The following CALCR variants were observed in gnomAD, a reference collection of about 807,000 sequenced individuals.
CALCR encodes calcitonin receptor.
CALCR carries 47 observed loss-of-function variants against 59.5 expected under a neutral mutation model. The observed-to-expected ratio is 0.79, with a 90% CI of 0.63 to 1.01. CALCR has a LOEUF of 1.01. Ranked by LOEUF, CALCR falls within the 50% of genes least tolerant of loss-of-function variation. CALCR has a pLI of 0.00. For synonymous variants in CALCR, 213 were observed against 211.3 expected, an observed-to-expected ratio of 1.01 and a Z score of -0.07; for missense variants, 566 against 597.1, an observed-to-expected ratio of 0.95 and a Z score of 0.54.
At chr7:93,471,991 T>C (rs1800562302) in intron 6 of CALCR, among the ~76,000 whole-genome samples, 1 of 151,802 alleles carries the variant, frequency 6.6e-6, no homozygotes. Flanking sequence ...CATGCTATCT[T>C]GTGACTTGTG....
rs150839710 is a variant in CALCR, at chr7:93,480,003, T to C, written c.52-496A>G. Among the ~76,000 whole-genome samples, 392 of 152,036 alleles carry C rather than the reference T, an allele frequency of 2.6e-3. 3 individuals are homozygous for C. Among genetic ancestry groups the C allele is most frequent in the African/African-American group, 8.4e-3 (348 of 41,532 alleles). On this transcript the variant is annotated intron_variant, in intron 3 of 13. Transcript: ENST00000426151. Reference sequence around the variant, plus strand: ...CACTGCCAGAAATTTATCCCATCTATTCCATGGAACAAACAAAATATGTTT... The same window carrying C: ...CACTGCCAGAAATTTATCCCATCTACTCCATGGAACAAACAAAATATGTTT...
chr7:93,545,625 A>G (rs1789267161), intron 2 of CALCR, among the ~76,000 whole-genome samples: 1 of 152,200 alleles, frequency 6.6e-6, no homozygotes, highest in Non-Finnish European at 1.5e-5. Flanking sequence ...GGCAAGAAGT[A>G]TAGAGATTAC....
intron 6 of CALCR, among the ~76,000 whole-genome samples, chr7:93,469,215 A>T (rs1800502251): frequency 6.6e-6 from 1 of 151,764 alleles, no homozygotes; most frequent in Non-Finnish European, 1.5e-5. Flanking sequence ...CCTGACCTAC[A>T]GAGGGTCCAG....
intron 2 of CALCR, among the ~76,000 whole-genome samples, chr7:93,495,159 A>C (rs1801172398): frequency 6.6e-6 from 1 of 151,416 alleles, no homozygotes; most frequent in South Asian, 2.1e-4. Context: ...GTGGGTATGA[A>C]ATGCACCTTG....
At chr7:93,552,707 A>G (rs552403570) in intron 2 of CALCR, among the ~76,000 whole-genome samples, 2 of 152,340 alleles carry the variant, frequency 1.3e-5, no homozygotes, top group East Asian at 1.9e-4. Flanking sequence ...GACAATTAGC[A>G]TTATCTCCAA....
intron 2 of CALCR, among the ~76,000 whole-genome samples, chr7:93,542,100 A>G (rs1486579971): frequency 6.6e-6 from 1 of 152,244 alleles, no homozygotes. Context: ...ATGAATACAA[A>G]TATATACAGT....
chr7:93,472,733 CA>C (rs913735966), intron 5 of CALCR, among the ~76,000 whole-genome samples: 1 of 151,586 alleles, frequency 6.6e-6, no homozygotes, highest in East Asian at 1.9e-4. Context: ...AAATTCAAAG[CA>C]GACAGTGAGA....
At chr7:93,530,502 T>G (rs1273153190) in intron 2 of CALCR, among the ~76,000 whole-genome samples, 1 of 152,170 alleles carries the variant, frequency 6.6e-6, no homozygotes, top group Non-Finnish European at 1.5e-5. Context: ...TAATTTCCTT[T>G]ACATAAAAAT....
At chr7:93,428,651 T>C (rs1799582713) in intron 13 of CALCR, among the ~76,000 whole-genome samples, 1 of 151,770 alleles carries the variant, frequency 6.6e-6, no homozygotes, top group African/African-American at 2.4e-5. Flanking sequence ...ATACTAAGAA[T>C]TAGCCGGCGC....
chr7:93,425,726 A>G lies in CALCR; in HGVS notation c.*630T>C, dbSNP rs1799511469. The G allele has an allele frequency of 2.6e-5, 4 of 152,214 alleles. No homozygotes were observed. The South Asian group carries it at 8.3e-4, about 32-fold the overall frequency. The allele number at this position is 152,214 out of a possible 1,614,324, so 9.4% of individuals were successfully genotyped here. A position where few individuals can be genotyped will look rare whatever the true frequency, so the allele number is the denominator to read the frequency against. ...GCTGAGCATGTAATGTTTTCAGCAA[A>G]TTGACTCTAAATTTCTTTTGCATTC... is the stretch of plus-strand genomic sequence containing the variant. On this transcript the variant is annotated 3_prime_UTR_variant, in exon 14 of 14. Coordinates refer to ENST00000426151, the MANE Select transcript of CALCR (RefSeq NM_001742.4).
At chr7:93,478,355 A>G (rs1416609889) in intron 4 of CALCR, among the ~76,000 whole-genome samples, 1 of 151,904 alleles carries the variant, frequency 6.6e-6, no homozygotes, top group Non-Finnish European at 1.5e-5. Context: ...ATGTGCAGTA[A>G]CAGAGTATAT....
chr7:93,460,623 A>G (rs188523388), intron 8 of CALCR, among the ~76,000 whole-genome samples, 198 bp downstream of exon 8: 27 of 132,484 alleles, frequency 2.0e-4, no homozygotes, highest in African/African-American at 8.2e-4. Flanking sequence ...GGTTTGTTGT[A>G]TGATTCTTAT....
intron 2 of CALCR, among the ~76,000 whole-genome samples, chr7:93,563,116 T>C (rs1166103685): frequency 2.6e-5 from 4 of 152,244 alleles, no homozygotes; most frequent in South Asian, 2.1e-4. Flanking sequence ...ATCCCTCCCG[T>C]TGCACAAGTA....
At chr7:93,552,616 T>C (rs1789490304) in intron 2 of CALCR, among the ~76,000 whole-genome samples, 1 of 152,192 alleles carries the variant, frequency 6.6e-6, no homozygotes, top group African/African-American at 2.4e-5. Flanking sequence ...AACCTTTATA[T>C]TAAACCACAT....
At chr7:93,535,585 C>T (rs572109301) in intron 2 of CALCR, among the ~76,000 whole-genome samples, 7 of 151,738 alleles carry the variant, frequency 4.6e-5, no homozygotes, top group Non-Finnish European at 8.9e-5. Flanking sequence ...TTTTTGAATG[C>T]GTGAGTGAAT....
At chr7:93,550,640 C>CAAT (rs546932316) in intron 2 of CALCR, among the ~76,000 whole-genome samples, 1 of 146,758 alleles carries the variant, frequency 6.8e-6, no homozygotes, top group Non-Finnish European at 1.5e-5. Flanking sequence ...CACACACACA[C>CAAT]GAGAGACAGA....
chr7:93,557,495 G>A (rs980265469), intron 2 of CALCR, among the ~76,000 whole-genome samples: 10 of 134,492 alleles, frequency 7.4e-5, no homozygotes, highest in East Asian at 3.9e-4. Context: ...TCTATACATC[G>A]TGAATACTTT....
At chr7:93,537,689 C>A (rs1789026444) in intron 2 of CALCR, among the ~76,000 whole-genome samples, 1 of 151,588 alleles carries the variant, frequency 6.6e-6, no homozygotes, top group South Asian at 2.1e-4. Flanking sequence ...AACTTCCTAT[C>A]CTTGTTTTGA....
chr7:93,495,975 CTG>C (rs1471574925), intron 2 of CALCR: 4 of 1,465,176 alleles, frequency 2.7e-6, no homozygotes, highest in Non-Finnish European at 3.6e-6. Context: ...ATCATTTATT[CTG>C]TGAATAAATA....
Sources: gnomAD v4.1 joint callset for allele counts (sites outside exome capture counted in the v4.1 genomes callset) on GRCh38, gnomAD v4.1.1 for gene constraint, MANE v1.5 for transcripts, NCBI Gene and HGNC (gene_info 2026-07-23, HGNC 2026-07-21) for gene names.